WNK3: variants seen among roughly 807,000 people sequenced by gnomAD.
WNK3 encodes serine/threonine-protein kinase WNK3.
A neutral mutation model predicts 116.7 loss-of-function variants in WNK3; 18 were observed. The observed-to-expected ratio is 0.15, with a 90% CI of 0.11 to 0.23. The LOEUF (loss-of-function observed/expected upper bound fraction) is 0.23, where lower values mean the gene tolerates loss of function less well. WNK3 is among the 10% of genes least tolerant of loss of function. The pLI is 1.00. For missense variants in WNK3, 993 were observed against 1,323.8 expected (o/e 0.75, Z 3.88); for synonymous variants, 404 against 469.4 (o/e 0.86, Z 1.80).
intron 22 of WNK3, among the ~76,000 whole-genome samples, chrX:54,223,046 T>G (rs1347403729): frequency 2.0e-5 from 2 of 102,534 alleles, no homozygotes; most frequent in African/African-American, 7.2e-5. Flanking sequence ...AAGAAAAAAA[T>G]CGAAGATATA....
intron 22 of WNK3, among the ~76,000 whole-genome samples, chrX:54,227,979 C>T (rs2067861056): frequency 9.0e-6 from 1 of 111,260 alleles, no homozygotes; most frequent in Non-Finnish European, 1.9e-5. Flanking sequence ...CAGCCTCAAC[C>T]TCCTAGGCTC....
At chrX:54,252,669 CA>C (rs56273481) in intron 13 of WNK3, among the ~76,000 whole-genome samples, 12,295 of 50,684 alleles carry the variant, frequency 0.24, 1,234 homozygotes, top group African/African-American at 0.44. Context: ...GACTCTGTCT[CA>C]AAAAAAAAAA....
At chrX:54,275,415 A>ATGTG (rs782672834) in intron 10 of WNK3, among the ~76,000 whole-genome samples, 6,309 of 64,259 alleles carry the variant, frequency 0.098, 480 homozygotes, top group Admixed American at 0.13. Context: ...ATAAGTTCAT[A>ATGTG]TGTGTGTGTG....
chrX:54,357,539 C>G (rs4075662), intron 1 of WNK3, 147 bp downstream of exon 1: 1 of 110,786 alleles, frequency 9.0e-6, no homozygotes, highest in Admixed American at 9.6e-5. Flanking sequence ...AGCCGCCCCC[C>G]GCTAGGGCGC....
chrX:54,249,377 A>G, exon 17 of WNK3: 1 of 1,212,116 alleles, frequency 8.3e-7, no homozygotes. Context: ...AGTCCCTCAC[A>G]TTCAGCTGGA....
chrX:54,336,906 A>G (rs1557175475), intron 1 of WNK3, among the ~76,000 whole-genome samples: 1 of 111,779 alleles, frequency 8.9e-6, no homozygotes, highest in Non-Finnish European at 1.9e-5. Context: ...ATCTATGTTA[A>G]TACCAAAGCT....
At chrX:54,320,611 C>T (rs1322433375) in intron 2 of WNK3, among the ~76,000 whole-genome samples, 2 of 110,719 alleles carry the variant, frequency 1.8e-5, no homozygotes, top group African/African-American at 6.6e-5. Context: ...CAGCCTTGAA[C>T]TCCTGGGCTC....
intron 22 of WNK3, among the ~76,000 whole-genome samples, chrX:54,215,343 G>A (rs957331219): frequency 2.2e-4 from 24 of 111,166 alleles, no homozygotes; most frequent in Admixed American, 3.8e-4. Flanking sequence ...GGCGCGCGCC[G>A]CCACGCCTGA....
At chrX:54,274,544 C>G (rs2068419551) in intron 10 of WNK3, among the ~76,000 whole-genome samples, 1 of 111,473 alleles carries the variant, frequency 9.0e-6, no homozygotes, top group Non-Finnish European at 1.9e-5. Flanking sequence ...AATTTTTTTC[C>G]TATTTCAAGA....
At chrX:54,256,855 C>T (rs902997808) in intron 11 of WNK3, among the ~76,000 whole-genome samples, 2 of 112,007 alleles carry the variant, frequency 1.8e-5, no homozygotes, top group Admixed American at 9.5e-5. Flanking sequence ...AACAAGTAAT[C>T]AGAGGATAAA....
intron 22 of WNK3, among the ~76,000 whole-genome samples, chrX:54,214,322 T>C: frequency 9.0e-6 from 1 of 111,248 alleles, no homozygotes; most frequent in South Asian, 3.8e-4. Flanking sequence ...AAAAGAAATC[T>C]CTGAGCCCAG....
intron 2 of WNK3, among the ~76,000 whole-genome samples, chrX:54,316,368 G>A (rs1557170967): frequency 9.2e-6 from 1 of 109,202 alleles, no homozygotes; most frequent in Non-Finnish European, 1.9e-5. Context: ...TTGGAACCCC[G>A]TCTCTACTAA....
At chrX:54,229,242 A>G (rs1303248117) in intron 21 of WNK3, among the ~76,000 whole-genome samples, 1 of 111,081 alleles carries the variant, frequency 9.0e-6, no homozygotes, top group East Asian at 2.8e-4. Flanking sequence ...TAAAAAGCAG[A>G]TAAAACATAT....
At chrX:54,283,989 T>A (rs1557163365) in intron 10 of WNK3, among the ~76,000 whole-genome samples, 5 of 109,989 alleles carry the variant, frequency 4.5e-5, no homozygotes, top group Non-Finnish European at 9.5e-5. Context: ...AACTTGGGTG[T>A]AGGCAAAGGT....
At position 54,232,849 on chromosome X, in the gene WNK3, G is replaced by T. The variant is rs781831562; in HGVS notation, c.4800C>A (p.Pro1600=). The change falls in exon 21 of 24, where the codon CCC becomes CCA. Residue 1600 remains proline (P), a synonymous_variant. Transcript: ENST00000354646. Reference sequence around the variant, plus strand: ...CATTGTCCACATGTGTCAAGGACTGGGGGCGGCTTCGAAGTTTGCTTTTGA... The same window carrying T: ...CATTGTCCACATGTGTCAAGGACTGTGGGCGGCTTCGAAGTTTGCTTTTGA... 5.0e-6 allele frequency: 6 copies of T among 1,209,542 alleles called. No individual in the cohort carries two copies. In the East Asian group the frequency reaches 1.8e-4, roughly 36 times the overall value.
intron 22 of WNK3, among the ~76,000 whole-genome samples, chrX:54,215,102 G>A (rs782097383): frequency 6.1e-4 from 49 of 80,671 alleles, no homozygotes; most frequent in Non-Finnish European, 8.2e-4. Context: ...GGGAGACAGA[G>A]CCAGACTCCA....
intron 12 of WNK3, among the ~76,000 whole-genome samples, chrX:54,255,220 T>C (rs1557155234): frequency 9.0e-6 from 1 of 111,536 alleles, no homozygotes; most frequent in East Asian, 2.8e-4. Context: ...CCTCAGATGA[T>C]CCACCTGCCT....
rs532839969 is a variant in WNK3 at position 54,224,016 on chromosome X, A to T, written c.4870+4698T>A. 50 of 128,910 alleles carry T rather than the reference A, an allele frequency of 3.9e-4. No individual in the cohort carries two copies. In the South Asian group the frequency reaches 8.6e-3, roughly 22 times the overall value. 10.6% of individuals were successfully genotyped at this position (128,910 alleles called of 1,213,427 possible). ...TAGGGAGGCAATATCCTGGGTCCAA[A>T]ATCTCTGGCTCTCATTGCCAAGCTG... On this transcript the variant is annotated intron_variant, in intron 22 of 23. Transcript: ENST00000354646.
intron 17 of WNK3, among the ~76,000 whole-genome samples, chrX:54,241,525 G>T (rs2068021143): frequency 8.9e-6 from 1 of 111,839 alleles, no homozygotes; most frequent in African/African-American, 3.2e-5. Flanking sequence ...AGAAAGGAAT[G>T]AACTACAGTT....
Sources: gnomAD v4.1 joint callset for allele counts (sites outside exome capture counted in the v4.1 genomes callset) on GRCh38, gnomAD v4.1.1 for gene constraint, MANE v1.5 for transcripts, NCBI Gene and HGNC (gene_info 2026-07-23, HGNC 2026-07-21) for gene names.